UNC79: variants seen among roughly 807,000 people sequenced by gnomAD.
UNC79 encodes protein unc-79 homolog.
A neutral mutation model predicts 283.1 loss-of-function variants in UNC79; 37 were observed. The observed-to-expected ratio is 0.13, with a 90% CI of 0.10 to 0.17. UNC79 has a LOEUF of 0.17. UNC79 is among the 10% of genes least tolerant of loss of function. The pLI is 1.00. For synonymous variants in UNC79, 1,107 were observed against 1,200.2 expected, an observed-to-expected ratio of 0.92 and a Z score of 1.61; for missense variants, 2,272 against 3,211.1, an observed-to-expected ratio of 0.71 and a Z score of 7.07.
At chr14:93,547,915 A>C (rs1424589278) in intron 14 of UNC79, among the ~76,000 whole-genome samples, 4 of 152,146 alleles carry the variant, frequency 2.6e-5, no homozygotes, top group Admixed American at 2.0e-4. Flanking sequence ...GATCACTGGG[A>C]GGTTGAGACT....
intron 46 of UNC79, among the ~76,000 whole-genome samples, chr14:93,693,008 G>A (rs1333164555): frequency 1.3e-5 from 2 of 152,142 alleles, no homozygotes; most frequent in Admixed American, 6.5e-5. Flanking sequence ...CCCACAAAAG[G>A]CATTCAGGAA....
rs79884286 is a variant in UNC79, at chr14:93,704,688, T to C, written c.7590+22T>C. 3.5e-3 allele frequency: 5,571 copies of C among 1,613,848 alleles called. 172 individuals carry two copies. In the African/African-American group the frequency reaches 0.066, roughly 19 times the overall value. ...CAAGGTAAGTCACTCCCTGGGCTGA[T>C]TGGAAGCTCGGTTTCCTGCAGAGAA... On this transcript the variant is annotated intron_variant, in intron 48 of 48. Transcript: ENST00000555664.
At chr14:93,674,433 G>A (rs765464772) in intron 41 of UNC79, among the ~76,000 whole-genome samples, 13 of 152,182 alleles carry the variant, frequency 8.5e-5, no homozygotes, top group Non-Finnish European at 1.9e-4. Flanking sequence ...ATCAGCAGGG[G>A]TTCAGGTAAC....
At chr14:93,393,302 A>G (rs2054923295) in intron 1 of UNC79, among the ~76,000 whole-genome samples, 1 of 152,216 alleles carries the variant, frequency 6.6e-6, no homozygotes, top group Non-Finnish European at 1.5e-5. Context: ...TCATAGCAGT[A>G]GGATTCAGTA....
intron 41 of UNC79, among the ~76,000 whole-genome samples, chr14:93,681,519 G>C (rs973623079): frequency 6.6e-6 from 1 of 152,178 alleles, no homozygotes; most frequent in African/African-American, 2.4e-5. Flanking sequence ...TTTACTCTGC[G>C]ACCCTAGTTG....
intron 7 of UNC79, among the ~76,000 whole-genome samples, chr14:93,500,442 G>A (rs951777965): frequency 6.6e-6 from 1 of 151,996 alleles, no homozygotes; most frequent in Admixed American, 6.6e-5. Context: ...ATGGCATTCT[G>A]TGTAGGAAAC....
At chr14:93,625,660 G>A (rs191321283) in intron 30 of UNC79, among the ~76,000 whole-genome samples, 1 of 151,100 alleles carries the variant, frequency 6.6e-6, no homozygotes, top group East Asian at 1.9e-4. Context: ...ATTGATCCAA[G>A]TATTTTTTTG....
At chr14:93,516,485 T>G (rs1457106127) in intron 7 of UNC79, among the ~76,000 whole-genome samples, 2 of 149,550 alleles carry the variant, frequency 1.3e-5, no homozygotes, top group East Asian at 2.0e-4. Flanking sequence ...CTTACTCTGT[T>G]GCCCAGGCTG....
At chr14:93,579,778 T>G (rs1382423679) in intron 18 of UNC79, among the ~76,000 whole-genome samples, 1 of 152,214 alleles carries the variant, frequency 6.6e-6, no homozygotes, top group Non-Finnish European at 1.5e-5. Flanking sequence ...TGGTTCCTTT[T>G]AGCAGCTCAT....
At position 93,621,760 on chromosome 14, in the gene UNC79, G is replaced by C. The variant is rs1278956158; in HGVS notation, c.4527G>C (p.Ser1509=). The C allele has an allele frequency of 1.2e-6, 2 of 1,613,938 alleles. No individual in the cohort carries two copies. The highest frequency in any genetic ancestry group is 2.7e-5 in the African/African-American group (2 of 74,892). ...CTCTTGATATAGGGAATGCAGACTC[G>C]CTTTTGTTTACATTAGACGAACATC... Residue 1509 remains serine (S), a synonymous_variant, in exon 30 of 49, where the codon TCG becomes TCC. Transcript: ENST00000555664. The surrounding 1 kb of genome is among the most constrained non-coding windows in gnomAD (Gnocchi z 4.8).
rs139642906 is a variant in UNC79 at position 93,379,202 on chromosome 14, G to A, written c.-351+45679G>A. Among the ~76,000 whole-genome samples, 1,335 of 152,030 alleles carry A rather than the reference G, an allele frequency of 8.8e-3. 66 individuals carry two copies. The highest frequency in any genetic ancestry group is 0.08 in the Admixed American group (1,220 of 15,248). On this transcript the variant is annotated intron_variant, in intron 1 of 49. Transcript: ENST00000256339. ...CTATGATATTCCTCTTATTACTCCA[G>A]GTATAATCTTTATCAACATCTTTTA... is the stretch of plus-strand genomic sequence containing the variant.
chr14:93,422,792 G>T (rs1481622452), intron 1 of UNC79, among the ~76,000 whole-genome samples: 2 of 152,066 alleles, frequency 1.3e-5, no homozygotes, highest in African/African-American at 4.8e-5. Flanking sequence ...CAGGCTTGGT[G>T]GCTTATGCCT....
At chr14:93,466,764 G>A (rs1487969961) in intron 1 of UNC79, 1 of 777,806 alleles carries the variant, frequency 1.3e-6, no homozygotes, top group Non-Finnish European at 1.6e-6. Flanking sequence ...TGAGAACTCT[G>A]TGGAAGAGGA....
intron 20 of UNC79, among the ~76,000 whole-genome samples, chr14:93,584,244 T>G (rs996007316): frequency 1.3e-5 from 2 of 152,226 alleles, no homozygotes; most frequent in Non-Finnish European, 2.9e-5. Flanking sequence ...TTGCCCCTGG[T>G]CATGTCACTC....
exon 30 of UNC79, chr14:93,622,664 A>G (rs1313789239): frequency 1.2e-6 from 2 of 1,614,076 alleles, no homozygotes; most frequent in Non-Finnish European, 1.7e-6. Flanking sequence ...AGAATCTGAT[A>G]CAGAACAGAA....
chr14:93,370,775 A>G (rs962098941), intron 1 of UNC79, among the ~76,000 whole-genome samples: 2 of 148,202 alleles, frequency 1.3e-5, no homozygotes, highest in Admixed American at 6.6e-5. Context: ...CTGTCTCAAA[A>G]AGAAAAAGAA....
At chr14:93,349,503 TA>T (rs1389094234) in intron 1 of UNC79, among the ~76,000 whole-genome samples, 1 of 145,498 alleles carries the variant, frequency 6.9e-6, no homozygotes, top group Non-Finnish European at 1.6e-5. Context: ...TATCCCCCTA[TA>T]AGGTTATACC....
Position 93,474,107 on chromosome 14 carries a change from G to C in UNC79, c.162G>C (p.Gly54=). The change falls in exon 3 of 49, where the codon GGG becomes GGC. Residue 54 remains glycine, a synonymous_variant. Coordinates refer to ENST00000555664, the Ensembl canonical transcript of UNC79. The surrounding 1 kb of genome is among the most constrained non-coding windows in gnomAD (Gnocchi z 4.1). ...CCAACAGCATTTTGTCCCGCACAGGGAAGAAGGAAAACCAAGATGCCTCCA... is the reference window on the plus strand; with the variant it reads ...CCAACAGCATTTTGTCCCGCACAGGCAAGAAGGAAAACCAAGATGCCTCCA... 1 of 1,535,652 alleles carries C rather than the reference G, an allele frequency of 6.5e-7. No homozygotes were observed. The highest frequency in any genetic ancestry group is 1.4e-5 in the African/African-American group (1 of 73,104).
chr14:93,614,299 T>TTTTATTTA lies in UNC79; in HGVS notation c.4041+1245_4041+1252dup, dbSNP rs10617777. Among the ~76,000 whole-genome samples the TTTTATTTA allele has an allele frequency of 4.1e-3, 569 of 140,106 alleles. 6 individuals are homozygous for TTTTATTTA. Among genetic ancestry groups the TTTTATTTA allele is most frequent in the African/African-American group, 0.015 (538 of 35,574 alleles). The allele number at this position is 140,106 out of a possible 152,430, so 91.9% of individuals were successfully genotyped here. Reference sequence around the variant, plus strand: ...GGCTTTTTTGTTTGTGTGGTTTTATTTTTATTTATTTATTTATTTATTTAT... The same window carrying TTTTATTTA: ...GGCTTTTTTGTTTGTGTGGTTTTATTTTTATTTATTTATTTATTTATTTATTTATTTAT... On this transcript the variant is annotated intron_variant, in intron 27 of 48. Transcript: ENST00000555664.
Sources: gnomAD v4.1 joint callset for allele counts (sites outside exome capture counted in the v4.1 genomes callset) on GRCh38, gnomAD v4.1.1 for gene constraint, Gnocchi (gnomAD v3.1) non-coding constraint, MANE v1.5 for transcripts, NCBI Gene and HGNC (gene_info 2026-07-23, HGNC 2026-07-21) for gene names.